The following ASB7 variants were observed in gnomAD, a reference collection of about 807,000 sequenced individuals.
ASB7 encodes ankyrin repeat and SOCS box protein 7.
In ASB7, 4 loss-of-function variants were observed where a neutral mutation model predicts 32.5. The observed-to-expected ratio is 0.12, with a 90% CI of 0.06 to 0.28. The LOEUF (loss-of-function observed/expected upper bound fraction) is 0.28. Ranked by LOEUF, ASB7 falls within the 10% of genes least tolerant of loss-of-function variation. ASB7 has a pLI of 1.00. For synonymous variants in ASB7, 172 were observed against 155.6 expected (o/e 1.11, Z -0.78); for missense variants, 181 against 407.1 (o/e 0.44, Z 4.78).
chr15:100,648,943 A>T lies in ASB7; in HGVS notation c.*481A>T, dbSNP rs1047559309. ...TTGAAGTAACGCTGTCACCTCATTC[A>T]TTTTTAATGAGTACAAACTGGCCGT... On this transcript the variant is annotated 3_prime_UTR_variant, in exon 6 of 6. Transcript: ENST00000332783. 6.5e-6 allele frequency: 1 copy of T among 152,714 alleles called. No homozygotes were observed. Among genetic ancestry groups the T allele is most frequent in the Non-Finnish European group, 1.5e-5 (1 of 68,108 alleles). The allele number at this position is 152,714 out of a possible 1,614,324, so 9.5% of individuals were successfully genotyped here. A position where few individuals can be genotyped will look rare whatever the true frequency, so the allele number is the denominator to read the frequency against.
Position 100,650,877 on chromosome 15 carries a change from G to A in ASB7, c.*2415G>A, listed in dbSNP as rs2040027339. ...TAAAATGTCTCCAGGTGGGTTACTG[G>A]TAGATGATAGTGGTGACACCTGCAG... On this transcript the variant is annotated 3_prime_UTR_variant, in exon 6 of 6. Transcript: ENST00000332783. 2.0e-5 allele frequency: 3 copies of A among 152,194 alleles called. No homozygotes were observed. Among genetic ancestry groups the A allele is most frequent in the Non-Finnish European group, 4.4e-5 (3 of 68,034 alleles). 9.4% of individuals were successfully genotyped at this position (152,194 alleles called of 1,614,324 possible).
chr15:100,641,296 T>A (rs2039960187), intron 5 of ASB7, among the ~76,000 whole-genome samples: 1 of 152,208 alleles, frequency 6.6e-6, no homozygotes, highest in Non-Finnish European at 1.5e-5. Flanking sequence ...TTTTAGGCGA[T>A]CTGTTGACAA....
intron 5 of ASB7, among the ~76,000 whole-genome samples, chr15:100,646,845 A>G (rs888107784): frequency 1.3e-5 from 2 of 152,214 alleles, no homozygotes; most frequent in Admixed American, 6.5e-5. Flanking sequence ...ACACTGAGAC[A>G]TGATTTGCCT....
chr15:100,647,971 G>A (rs1424699684), intron 5 of ASB7, among the ~76,000 whole-genome samples: 1 of 152,200 alleles, frequency 6.6e-6, no homozygotes, highest in African/African-American at 2.4e-5. Context: ...ACGAGAACCA[G>A]AATTTTCCTG....
intron 4 of ASB7, among the ~76,000 whole-genome samples, chr15:100,621,263 ATCAG>A (rs1431468741): frequency 1.3e-5 from 2 of 152,240 alleles, no homozygotes; most frequent in African/African-American, 2.4e-5. Flanking sequence ...GGCCAGAGGA[ATCAG>A]TCTTAAAAGC....
chr15:100,612,694 T>A (rs376015988), intron 4 of ASB7, among the ~76,000 whole-genome samples: 3 of 152,348 alleles, frequency 2.0e-5, no homozygotes, highest in East Asian at 3.9e-4. Context: ...CTAAGCTACC[T>A]TTCTTCAGGT....
In ASB7 at chr15:100,608,256, T is replaced by C. The variant is rs138449772; in HGVS notation, c.-173-1451T>C. Among the ~76,000 whole-genome samples, 29 of 152,370 alleles carry C rather than the reference T, an allele frequency of 1.9e-4. No individual in the cohort carries two copies. The East Asian group carries it at 4.6e-3, about 24-fold the overall frequency. ...AGCTTTGGATTTACAGAACAATTAC[T>C]GAGGCTGTGCAGAGTTCCTACATGC... On this transcript the variant is annotated intron_variant, in intron 2 of 5. Transcript: ENST00000332783.
intron 5 of ASB7, among the ~76,000 whole-genome samples, chr15:100,634,127 C>G (rs1017789465): frequency 5.3e-5 from 8 of 152,208 alleles, no homozygotes; most frequent in African/African-American, 1.7e-4. Flanking sequence ...AATAATACCA[C>G]CCATCCTGAA....
At chr15:100,622,159 C>CA (rs1457816863) in intron 4 of ASB7, among the ~76,000 whole-genome samples, 1 of 143,086 alleles carries the variant, frequency 7.0e-6, no homozygotes, top group Non-Finnish European at 1.5e-5. Context: ...ATGAAACAGG[C>CA]AAAAAAAGAA....
chr15:100,633,270 G>A (rs1415221468), intron 5 of ASB7, among the ~76,000 whole-genome samples: 1 of 151,824 alleles, frequency 6.6e-6, no homozygotes, highest in Non-Finnish European at 1.5e-5. Flanking sequence ...AGGTGTGACC[G>A]ATGTCAAGTA....
At chr15:100,604,950 A>AT (rs1020034424) in intron 2 of ASB7, among the ~76,000 whole-genome samples, 4 of 152,180 alleles carry the variant, frequency 2.6e-5, no homozygotes, top group Admixed American at 2.6e-4. Flanking sequence ...TCAGTTAAAT[A>AT]TTTTTTCAGC....
At chr15:100,606,116 G>A (rs531698396) in intron 2 of ASB7, among the ~76,000 whole-genome samples, 34 of 152,104 alleles carry the variant, frequency 2.2e-4, no homozygotes, top group African/African-American at 7.5e-4. Context: ...CATGTTCTCC[G>A]TTTTGGTACG....
chr15:100,645,852 A>C, intron 5 of ASB7: 1 of 1,026,086 alleles, frequency 9.7e-7, no homozygotes, highest in Non-Finnish European at 1.5e-6. Flanking sequence ...CATGGTCCCA[A>C]GATACGCTGC....
intron 3 of ASB7, 115 bp from the exon 4 acceptor site, chr15:100,612,051 T>C (rs2039701133): frequency 1.5e-6 from 1 of 659,788 alleles, no homozygotes; most frequent in South Asian, 1.8e-5. Flanking sequence ...TAGTATGCAC[T>C]GTCATTAGTA....
At chr15:100,636,784 C>T (rs4465593) in intron 5 of ASB7, among the ~76,000 whole-genome samples, 139,974 of 152,332 alleles carry the variant, frequency 0.92, 64,437 homozygotes, top group East Asian at 1. Flanking sequence ...GTTAGAATGA[C>T]GTTTTTCAGT....
chr15:100,646,708 G>A (rs558118102), intron 5 of ASB7: 4 of 174,740 alleles, frequency 2.3e-5, no homozygotes, highest in Non-Finnish European at 5.0e-5. Context: ...GGCTGAGAAC[G>A]GGAGCTCCTG....
intron 5 of ASB7, among the ~76,000 whole-genome samples, chr15:100,634,728 C>A (rs1021522335): frequency 6.6e-6 from 1 of 152,162 alleles, no homozygotes; most frequent in African/African-American, 2.4e-5. Flanking sequence ...CTCTTGAACC[C>A]GGGAGGCTGC....
In ASB7 at chr15:100,626,334, C is replaced by G. The variant is rs372653493; in HGVS notation, c.212-3103C>G. The stretch of plus-strand genomic sequence containing the variant: ...GGATAAAGGAGGTGAACAGACAATT[C>G]ACAAAACAGTATATGAATACGTTCA... On this transcript the variant is annotated intron_variant, in intron 4 of 5. Coordinates refer to ENST00000332783, the MANE Select transcript of ASB7 (RefSeq NM_198243.3). Among the ~76,000 whole-genome samples the G allele has an allele frequency of 6.0e-4, 91 of 152,212 alleles. 2 individuals are homozygous for G. Among genetic ancestry groups the G allele is most frequent in the African/African-American group, 2.0e-3 (83 of 41,540 alleles).
At chr15:100,622,527 G>A (rs1291106308) in intron 4 of ASB7, among the ~76,000 whole-genome samples, 3 of 152,168 alleles carry the variant, frequency 2.0e-5, no homozygotes, top group Non-Finnish European at 4.4e-5. Context: ...GGACAAAGCT[G>A]GAGGCATCAC....
Sources: allele counts gnomAD v4.1 joint callset (sites outside exome capture counted in the v4.1 genomes callset), GRCh38; gene constraint gnomAD v4.1.1; transcripts MANE v1.5; gene names NCBI Gene and HGNC (gene_info 2026-07-23, HGNC 2026-07-21).